GNAO1: variants seen among roughly 807,000 people sequenced by gnomAD.
The protein encoded by GNAO1 is guanine nucleotide-binding protein G(o) subunit alpha.
For synonymous variants in GNAO1, 164 were observed against 180.7 expected (o/e 0.91, Z 0.74); for missense variants, 166 against 478.7 (o/e 0.35, Z 6.10).
intron 3 of GNAO1, among the ~76,000 whole-genome samples, chr16:56,282,659 T>C (rs1031295861): frequency 1.3e-5 from 2 of 152,226 alleles, no homozygotes; most frequent in South Asian, 2.1e-4. Flanking sequence ...ACTTCCTCAA[T>C]GGCCCTACAA....
chr16:56,223,262 C>T (rs1194581083), intron 2 of GNAO1, among the ~76,000 whole-genome samples: 1 of 152,160 alleles, frequency 6.6e-6, no homozygotes, highest in East Asian at 1.9e-4. Context: ...GGCTGGAAAC[C>T]GAGGGCTGTT....
chr16:56,348,819 C>G (rs1465160275), intron 6 of GNAO1, among the ~76,000 whole-genome samples: 1 of 152,128 alleles, frequency 6.6e-6, no homozygotes, highest in Non-Finnish European at 1.5e-5. Flanking sequence ...TCTCCAGGAT[C>G]AGCCGCCTTT....
intron 2 of GNAO1, among the ~76,000 whole-genome samples, chr16:56,196,550 T>A (rs2036235354): frequency 6.6e-6 from 1 of 152,236 alleles, no homozygotes; most frequent in Non-Finnish European, 1.5e-5. Context: ...TGACACCCAC[T>A]TGGACCATGT....
chr16:56,274,888 CT>C (rs1337623712), intron 2 of GNAO1, among the ~76,000 whole-genome samples: 1 of 152,130 alleles, frequency 6.6e-6, no homozygotes, highest in Non-Finnish European at 1.5e-5. Context: ...GAATTGTATA[CT>C]TTAAGTAGGT....
chr16:56,346,589 G>T (rs993688202), intron 6 of GNAO1: 12 of 985,350 alleles, frequency 1.2e-5, no homozygotes, highest in Non-Finnish European at 1.4e-5. Context: ...GAGGGTGTGG[G>T]GTCTGCCCAG....
intron 2 of GNAO1, among the ~76,000 whole-genome samples, chr16:56,227,687 CAAA>C (rs386384777): frequency 6.5e-5 from 4 of 61,954 alleles, no homozygotes; most frequent in South Asian, 7.9e-4. Flanking sequence ...GACCCTGTCT[CAAA>C]AAAAAAAAAA....
At chr16:56,204,750 T>C (rs1043304107) in intron 2 of GNAO1, among the ~76,000 whole-genome samples, 1 of 152,210 alleles carries the variant, frequency 6.6e-6, no homozygotes, top group African/African-American at 2.4e-5. Context: ...CTCAAAAAAT[T>C]TTTATGGTAG....
chr16:56,327,911 C>T (rs1047170909), intron 3 of GNAO1, among the ~76,000 whole-genome samples: 1 of 152,140 alleles, frequency 6.6e-6, no homozygotes, highest in African/African-American at 2.4e-5. Context: ...GAAAGGTAGG[C>T]CCCAGGTCAC....
intron 2 of GNAO1, among the ~76,000 whole-genome samples, chr16:56,271,845 G>A (rs2550311): frequency 0.99 from 151,411 of 152,332 alleles, 75,252 homozygotes; most frequent in East Asian, 1. Flanking sequence ...TGAGGAAACC[G>A]AGGCTCAGGA....
At chr16:56,247,763 G>A (rs1252654503) in intron 2 of GNAO1, among the ~76,000 whole-genome samples, 3 of 152,116 alleles carry the variant, frequency 2.0e-5, no homozygotes, top group Non-Finnish European at 4.4e-5. Flanking sequence ...AATAATAGCT[G>A]GATGAACAAA....
intron 6 of GNAO1, chr16:56,345,809 T>TC (rs1287550540): frequency 1.0e-6 from 1 of 985,426 alleles, no homozygotes; most frequent in Admixed American, 6.1e-5. Flanking sequence ...GGCCAGTTGT[T>TC]CCGCTTACTC....
intron 2 of GNAO1, among the ~76,000 whole-genome samples, chr16:56,250,602 C>A (rs75227744): frequency 6.6e-6 from 1 of 152,178 alleles, no homozygotes; most frequent in Non-Finnish European, 1.5e-5. Context: ...CTTTCAGGTA[C>A]AAATGGCAGA....
chr16:56,253,038 C>T (rs1330491284), intron 2 of GNAO1, among the ~76,000 whole-genome samples: 3 of 152,220 alleles, frequency 2.0e-5, no homozygotes, highest in Non-Finnish European at 4.4e-5. Context: ...GAGCTGCCCT[C>T]GGCTAACCTC....
chr16:56,240,971 A>C (rs1431097795), intron 2 of GNAO1, among the ~76,000 whole-genome samples: 1 of 152,214 alleles, frequency 6.6e-6, no homozygotes, highest in Non-Finnish European at 1.5e-5. Context: ...CACAGGGAAG[A>C]GTGCTCCTTC....
chr16:56,323,658 CAAA>C (rs34470121), intron 3 of GNAO1, among the ~76,000 whole-genome samples: 1 of 138,050 alleles, frequency 7.2e-6, no homozygotes, highest in Non-Finnish European at 1.6e-5. Context: ...TAGCTGTAAG[CAAA>C]AAAAAAAAAA....
chr16:56,208,397 G>A (rs554734861), intron 2 of GNAO1, among the ~76,000 whole-genome samples: 224 of 151,786 alleles, frequency 1.5e-3, no homozygotes, highest in South Asian at 3.8e-3. Context: ...GTTTGGAGCA[G>A]TTATAAAAGA....
At chr16:56,301,421 C>A (rs1235318598) in intron 3 of GNAO1, among the ~76,000 whole-genome samples, 3 of 152,204 alleles carry the variant, frequency 2.0e-5, no homozygotes, top group African/African-American at 4.8e-5. Flanking sequence ...AACCCCAGCT[C>A]TTGCTTCCAG....
At chr16:56,347,526 A>C (rs1280624933) in intron 6 of GNAO1, 1 of 985,120 alleles carries the variant, frequency 1.0e-6, no homozygotes, top group African/African-American at 1.8e-5. Context: ...ACCCCACTGC[A>C]GCCAGATGAA....
At chr16:56,269,955 G>GTC (rs2037000046) in intron 2 of GNAO1, among the ~76,000 whole-genome samples, 1 of 152,186 alleles carries the variant, frequency 6.6e-6, no homozygotes, top group African/African-American at 2.4e-5. Flanking sequence ...TGCCTGGGGA[G>GTC]TCTCACTGCA....
Sources: gnomAD v4.1 joint callset for allele counts (sites outside exome capture counted in the v4.1 genomes callset) on GRCh38, gnomAD v4.1.1 for gene constraint, MANE v1.5 for transcripts, NCBI Gene and HGNC (gene_info 2026-07-23, HGNC 2026-07-21) for gene names.